Variants in NELL1 observed in about 807,000 individuals in gnomAD.
The protein encoded by NELL1 is neural EGFL like 1.
In NELL1, 76 loss-of-function variants were observed where a neutral mutation model predicts 107.4. That is an observed-to-expected ratio of 0.71 (90% CI 0.59 to 0.86). The LOEUF (loss-of-function observed/expected upper bound fraction) is 0.86, where lower values mean the gene tolerates loss of function less well. Among genes scored for constraint, NELL1 ranks in the 40% least tolerant of loss-of-function variants. The pLI is 0.00. For synonymous variants in NELL1, 353 were observed against 341.2 expected (o/e 1.03, Z -0.38); for missense variants, 1,024 against 1,005.5 (o/e 1.02, Z -0.25).
chr11:21,412,488 T>G (rs1852402589), intron 15 of NELL1, among the ~76,000 whole-genome samples: 1 of 152,096 alleles, frequency 6.6e-6, no homozygotes, highest in Non-Finnish European at 1.5e-5. Flanking sequence ...GAAACTGAAT[T>G]ATGCAAAATC....
intron 2 of NELL1, among the ~76,000 whole-genome samples, chr11:20,701,947 C>A (rs572856248): frequency 1.3e-5 from 2 of 152,196 alleles, no homozygotes; most frequent in Non-Finnish European, 2.9e-5. Flanking sequence ...TAGCATGATG[C>A]CTCCAGTTTT....
At chr11:21,109,526 T>A (rs1344030936) in intron 12 of NELL1, among the ~76,000 whole-genome samples, 1 of 152,140 alleles carries the variant, frequency 6.6e-6, no homozygotes, top group Non-Finnish European at 1.5e-5. Context: ...GCTCAAGATA[T>A]CTGCTTCAGG....
At chr11:20,906,318 GA>G (rs1849997182) in intron 5 of NELL1, among the ~76,000 whole-genome samples, 1 of 152,096 alleles carries the variant, frequency 6.6e-6, no homozygotes, top group South Asian at 2.1e-4. Flanking sequence ...AAAATCTGAA[GA>G]GACTTATAAT....
rs145400310 is a variant in NELL1, at chr11:21,241,798, C to T, written c.1549+12344C>T. ...AGCCCTATGCATGCCACTCTGTTTG[C>T]TTTCTGCAATAAAGTTAGATATGCT... On this transcript the variant is annotated intron_variant, in intron 14 of 19. Coordinates refer to ENST00000357134, the MANE Select transcript of NELL1 (RefSeq NM_006157.5). Among the ~76,000 whole-genome samples, 909 of 151,668 alleles carry T rather than the reference C, an allele frequency of 6.0e-3. 1 individual carries two copies. The highest frequency in any genetic ancestry group is 8.6e-3 in the Non-Finnish European group (586 of 67,900).
At chr11:21,404,204 A>C (rs893482125) in intron 15 of NELL1, among the ~76,000 whole-genome samples, 7 of 151,916 alleles carry the variant, frequency 4.6e-5, no homozygotes, top group African/African-American at 1.7e-4. Flanking sequence ...GGAAGATTGC[A>C]AACAATATCT....
intron 13 of NELL1, among the ~76,000 whole-genome samples, chr11:21,212,221 C>A (rs1402666194): frequency 6.6e-6 from 1 of 152,072 alleles, no homozygotes; most frequent in African/African-American, 2.4e-5. Flanking sequence ...CCCATTTATT[C>A]ATTTAGAAAA....
intron 12 of NELL1, among the ~76,000 whole-genome samples, chr11:21,027,372 A>G (rs149056973): frequency 3.1e-4 from 47 of 151,932 alleles, no homozygotes; most frequent in African/African-American, 1.1e-3. Flanking sequence ...TTTTCTATCT[A>G]GTTTTTATGA....
intron 12 of NELL1, among the ~76,000 whole-genome samples, chr11:21,005,620 T>G (rs1202364763): frequency 1.3e-5 from 2 of 152,198 alleles, no homozygotes; most frequent in Non-Finnish European, 2.9e-5. Context: ...TCATGAGCAT[T>G]GGCATTAACA....
chr11:21,203,813 A>G (rs1216921790), intron 13 of NELL1, among the ~76,000 whole-genome samples: 1 of 152,172 alleles, frequency 6.6e-6, no homozygotes, highest in Non-Finnish European at 1.5e-5. Context: ...TGGTGGTGAC[A>G]AAATCTGTCA....
chr11:21,211,469 A>G (rs903806646), intron 13 of NELL1, among the ~76,000 whole-genome samples: 1 of 152,170 alleles, frequency 6.6e-6, no homozygotes, highest in African/African-American at 2.4e-5. Context: ...GTTTGTCTGC[A>G]TTTTAAGACC....
At chr11:20,911,905 A>G (rs531920089) in intron 5 of NELL1, among the ~76,000 whole-genome samples, 1 of 152,164 alleles carries the variant, frequency 6.6e-6, no homozygotes, top group African/African-American at 2.4e-5. Context: ...TTACCTCTTG[A>G]TCAATTCAAC....
chr11:20,929,157 T>G (rs1268051615), intron 9 of NELL1, among the ~76,000 whole-genome samples: 2 of 152,234 alleles, frequency 1.3e-5, no homozygotes, highest in Non-Finnish European at 2.9e-5. Flanking sequence ...AAACTAGTTC[T>G]GTTGACTACA....
intron 12 of NELL1, among the ~76,000 whole-genome samples, chr11:21,064,993 C>T (rs1853833329): frequency 6.6e-6 from 1 of 152,036 alleles, no homozygotes; most frequent in African/African-American, 2.4e-5. Flanking sequence ...TAATTTTTAA[C>T]AATGTAGAGT....
At chr11:21,571,512 A>T (rs1307074918) in intron 18 of NELL1, among the ~76,000 whole-genome samples, 1 of 151,878 alleles carries the variant, frequency 6.6e-6, no homozygotes, top group African/African-American at 2.4e-5. Context: ...AGATTACAAG[A>T]TATGTAAGAA....
chr11:21,095,197 A>C (rs1266512837), intron 12 of NELL1, among the ~76,000 whole-genome samples: 1 of 152,150 alleles, frequency 6.6e-6, no homozygotes, highest in Non-Finnish European at 1.5e-5. Flanking sequence ...AAAACATAAC[A>C]AGAGTCACCT....
intron 14 of NELL1, among the ~76,000 whole-genome samples, chr11:21,304,205 G>T (rs969184502): frequency 1.3e-5 from 2 of 151,948 alleles, no homozygotes; most frequent in African/African-American, 4.8e-5. Context: ...CAAAGCCAAA[G>T]AAAAACCACC....
At chr11:21,568,812 C>T (rs1857031197) in intron 17 of NELL1, among the ~76,000 whole-genome samples, 1 of 151,382 alleles carries the variant, frequency 6.6e-6, no homozygotes, top group South Asian at 2.1e-4. Flanking sequence ...CTTATGATAA[C>T]AATGCCTTCT....
chr11:20,671,826 G>T (rs976560778), intron 1 of NELL1, among the ~76,000 whole-genome samples: 3 of 152,166 alleles, frequency 2.0e-5, no homozygotes, highest in Non-Finnish European at 4.4e-5. Context: ...AAATGTGGAG[G>T]AGAGACAGTT....
intron 9 of NELL1, among the ~76,000 whole-genome samples, chr11:20,929,267 A>G (rs555921247): frequency 3.5e-4 from 54 of 152,260 alleles, no homozygotes; most frequent in Non-Finnish European, 6.8e-4. Flanking sequence ...TCATTTATTT[A>G]CCAAAAGAAA....
Sources: gnomAD v4.1 joint callset for allele counts (sites outside exome capture counted in the v4.1 genomes callset) on GRCh38, gnomAD v4.1.1 for gene constraint, MANE v1.5 for transcripts, NCBI Gene and HGNC (gene_info 2026-07-23, HGNC 2026-07-21) for gene names.